The following PROCR variants were observed in gnomAD, a reference collection of about 807,000 sequenced individuals.
PROCR encodes endothelial protein C receptor.
PROCR carries 22 observed loss-of-function variants against 24.2 expected under a neutral mutation model. The ratio of observed to expected loss-of-function variants is 0.91; its 90% confidence interval spans 0.65 to 1.30. The LOEUF (loss-of-function observed/expected upper bound fraction) is 1.30. Among genes scored for constraint, PROCR ranks in the 50% most tolerant of loss-of-function variants. PROCR has a pLI of 0.00. For synonymous variants in PROCR, 137 were observed against 139.2 expected, an observed-to-expected ratio of 0.98 and a Z score of 0.11; for missense variants, 288 against 307.7, an observed-to-expected ratio of 0.94 and a Z score of 0.48.
chr20:35,212,367 C>T lies in PROCR; in HGVS notation c.95-3526C>T, dbSNP rs577005125. Among the ~76,000 whole-genome samples, 15 of 152,252 alleles carry T rather than the reference C, an allele frequency of 9.9e-5. 1 individual carries two copies. Among genetic ancestry groups the T allele is most frequent in the South Asian group, 6.2e-4 (3 of 4,824 alleles). On this transcript the variant is annotated intron_variant, in intron 1 of 1. Transcript: ENST00000634509. ...GGCCCCCCTCTTAGAAGGGCCCTCA[C>T]GCTTGTTTTAATGTTCTGCTGTCAT...
At chr20:35,175,051 A>G (rs945960) in intron 2 of PROCR, 98 bp downstream of exon 2, 595,183 of 1,088,024 alleles carry the variant, frequency 0.55, 175,529 homozygotes, top group African/African-American at 0.8. Context: ...GCGGGCTGGG[A>G]CTTGCAGGGA....
chr20:35,214,077 AAAAAT>A (rs2060371947), intron 1 of PROCR, among the ~76,000 whole-genome samples: 1 of 152,158 alleles, frequency 6.6e-6, no homozygotes, highest in Admixed American at 6.5e-5. Context: ...TCCATCTCAA[AAAAAT>A]AAAATAAAAT....
chr20:35,174,742 C>T lies in PROCR; in HGVS notation c.111C>T (p.Arg37=). The part of the protein sequence containing the change: ...RLHMLQISYF[R]DPYHVWYQGN... ...ATATGCTCCAGATCTCCTACTTCCGCGACCCCTATCACGTGTGGTACCAGG... is the reference window on the plus strand; with the variant it reads ...ATATGCTCCAGATCTCCTACTTCCGTGACCCCTATCACGTGTGGTACCAGG... The change falls in exon 2 of 4, where the codon CGC becomes CGT. Residue 37 remains arginine (R), a synonymous_variant. Coordinates refer to ENST00000216968, the MANE Select transcript of PROCR (RefSeq NM_006404.5). 1.2e-6 allele frequency: 2 copies of T among 1,614,108 alleles called. No homozygotes were observed. The highest frequency in any genetic ancestry group is 1.7e-6 in the Non-Finnish European group (2 of 1,180,002).
At position 35,176,441 on chromosome 20, in the gene PROCR, C is replaced by T. The variant is rs1256000226; in HGVS notation, c.596C>T (p.Thr199Met). ...YVQKHISAEN[T>M]KGSQTSRSYT... ...CAGAAACATATTTCCGCGGAAAACA[C>T]GAAAGGTATGATGGGACGGGGCCCA... The change falls in exon 3 of 4, where the codon ACG (threonine) becomes ATG (methionine). Residue 199 changes from threonine to methionine, a missense_variant. Coordinates refer to ENST00000216968, the MANE Select transcript of PROCR (RefSeq NM_006404.5). The T allele has an allele frequency of 1.9e-6, 3 of 1,613,810 alleles. No individual in the cohort carries two copies. Among genetic ancestry groups the T allele is most frequent in the Non-Finnish European group, 1.7e-6 (2 of 1,179,888 alleles).
At chr20:35,180,682 G>C (rs562737412), downstream of PROCR, among the ~76,000 whole-genome samples, 5 of 152,174 alleles carry the variant, frequency 3.3e-5, no homozygotes, top group South Asian at 2.1e-4. Flanking sequence ...GTGTGTGTGT[G>C]TCTCTCTCTC....
At chr20:35,206,770 A>G (rs1379123771) in intron 1 of PROCR, among the ~76,000 whole-genome samples, 1 of 152,210 alleles carries the variant, frequency 6.6e-6, no homozygotes, top group Admixed American at 6.6e-5. Flanking sequence ...ACAAAATGAT[A>G]CAGCCCCTCT....
chr20:35,184,343 G>T (rs890174270), intron 1 of PROCR, among the ~76,000 whole-genome samples: 2 of 152,196 alleles, frequency 1.3e-5, no homozygotes, highest in African/African-American at 4.8e-5. Context: ...GGGATAATTG[G>T]TTAGCCACAG....
chr20:35,190,178 T>C (rs2086161572), intron 1 of PROCR, among the ~76,000 whole-genome samples: 1 of 152,210 alleles, frequency 6.6e-6, no homozygotes, highest in South Asian at 2.1e-4. Context: ...GTATATCCGA[T>C]GATCTGTTGT....
chr20:35,189,541 T>C (rs941969511), intron 1 of PROCR, among the ~76,000 whole-genome samples: 10 of 152,200 alleles, frequency 6.6e-5, no homozygotes, highest in African/African-American at 2.4e-4. Flanking sequence ...TTGTGATCTT[T>C]TGTTGCCCTT....
chr20:35,199,525 C>T (rs531543341), intron 1 of PROCR, among the ~76,000 whole-genome samples: 26 of 152,164 alleles, frequency 1.7e-4, no homozygotes, highest in African/African-American at 5.5e-4. Flanking sequence ...CCGAGGTGGG[C>T]GGATCACAGG....
intron 1 of PROCR, among the ~76,000 whole-genome samples, chr20:35,185,547 A>G (rs1208282615): frequency 6.6e-6 from 1 of 152,238 alleles, no homozygotes; most frequent in East Asian, 1.9e-4. Flanking sequence ...ATGGAGTACT[A>G]CTCAGCCATA....
At position 35,174,971 on chromosome 20, in the gene PROCR, G is replaced by A. The variant is rs2085995249; in HGVS notation, c.322+18G>A. The A allele has an allele frequency of 6.7e-7, 1 of 1,486,638 alleles. No individual in the cohort carries two copies. The highest frequency in any genetic ancestry group is 1.4e-5 in the African/African-American group (1 of 71,970). The allele number at this position is 1,486,638 out of a possible 1,614,324, so 92.1% of individuals were successfully genotyped here. A position where few individuals can be genotyped will look rare whatever the true frequency, so the allele number is the denominator to read the frequency against. ...CTTGGCCTGTGAGTAGGCGCGCAGC[G>A]GGGGCGGGGTCTGGGCGGGGCTAGT... On this transcript the variant is annotated intron_variant, in intron 2 of 3. Transcript: ENST00000216968.
chr20:35,201,237 A>G (rs755201930), intron 1 of PROCR, among the ~76,000 whole-genome samples: 11 of 152,180 alleles, frequency 7.2e-5, no homozygotes, highest in Non-Finnish European at 1.6e-4. Context: ...ATATTCAAAT[A>G]ATCCAAAATA....
At chr20:35,191,248 A>G (rs1156599027) in intron 1 of PROCR, among the ~76,000 whole-genome samples, 1 of 152,110 alleles carries the variant, frequency 6.6e-6, no homozygotes, top group African/African-American at 2.4e-5. Context: ...GTTCTTCTGG[A>G]CTTGTTACAA....
At chr20:35,175,898 TG>T (rs1336963626) in intron 2 of PROCR, among the ~76,000 whole-genome samples, 7 of 148,546 alleles carry the variant, frequency 4.7e-5, no homozygotes, top group African/African-American at 1.2e-4. Context: ...CCTCACCCCC[TG>T]TTTTTTTTTT....
chr20:35,213,101 C>T (rs1409215837), intron 1 of PROCR, among the ~76,000 whole-genome samples: 1 of 152,200 alleles, frequency 6.6e-6, no homozygotes, highest in African/African-American at 2.4e-5. Context: ...GAGGCCGAGG[C>T]AGATGGATCA....
rs750839510 is a variant in PROCR, at chr20:35,174,850, G to T, written c.219G>T (p.Leu73Phe). Residue 73 changes from leucine to phenylalanine, a missense_variant, in exon 2 of 4, where the codon TTG becomes TTT. By Grantham distance (22) the Leu-to-Phe change is conservative. Transcript: ENST00000216968. ...CCACGATCATTCAGCTGCAGCCCTT[G>T]CAGGAGCCCGAGAGCTGGGCGCGCA... ...TNTTIIQLQPLQEPESWARTQ... is the reference protein window; with the variant it reads ...TNTTIIQLQPFQEPESWARTQ... 7 of 1,613,984 alleles carry T rather than the reference G, an allele frequency of 4.3e-6. No individual in the cohort carries two copies. The highest frequency in any genetic ancestry group is 5.9e-6 in the Non-Finnish European group (7 of 1,179,950).
At chr20:35,190,077 A>G (rs1031355869) in intron 1 of PROCR, among the ~76,000 whole-genome samples, 1 of 152,192 alleles carries the variant, frequency 6.6e-6, no homozygotes, top group African/African-American at 2.4e-5. Flanking sequence ...ATCATTTCCT[A>G]TAGATGTTAT....
In PROCR at chr20:35,197,839, AAAG is replaced by A. The variant is rs1348093718; in HGVS notation, c.95-18049_95-18047del. On this transcript the variant is annotated intron_variant, in intron 1 of 1. Coordinates refer to the PROCR transcript ENST00000634509. ...TCCGTCTCAAAAAAAAAAAAAAAGAAAAGAAGAGTCACATACATCTCTCACTTT... is the reference window on the plus strand; with the variant it reads ...TCCGTCTCAAAAAAAAAAAAAAAGAAAAGAGTCACATACATCTCTCACTTT... Among the ~76,000 whole-genome samples the A allele has an allele frequency of 2.0e-5, 3 of 151,592 alleles. 1 individual carries two copies. Among genetic ancestry groups the A allele is most frequent in the South Asian group, 4.2e-4 (2 of 4,800 alleles).
Sources: gnomAD v4.1 joint callset for allele counts (sites outside exome capture counted in the v4.1 genomes callset) on GRCh38, gnomAD v4.1.1 for gene constraint, MANE v1.5 for transcripts, NCBI Gene and HGNC (gene_info 2026-07-23, HGNC 2026-07-21) for gene names.